Variants in KCNMB2 observed in about 807,000 individuals in gnomAD.
KCNMB2 encodes the protein potassium calcium-activated channel subfamily M regulatory beta subunit 2.
A neutral mutation model predicts 24.5 loss-of-function variants in KCNMB2; 9 were observed. The ratio of observed to expected loss-of-function variants is 0.37; its 90% CI spans 0.22 to 0.64. KCNMB2 has a LOEUF of 0.64. Among genes scored for constraint, KCNMB2 ranks in the 30% least tolerant of loss-of-function variants. The pLI is 0.63. For missense variants in KCNMB2, 226 were observed against 284.3 expected, an observed-to-expected ratio of 0.79 and a Z score of 1.47; for synonymous variants, 109 against 104.4, an observed-to-expected ratio of 1.04 and a Z score of -0.27.
intron 2 of KCNMB2, among the ~76,000 whole-genome samples, 167 bp downstream of exon 2, chr3:178,807,632 T>G (rs1302822844): frequency 1.3e-5 from 2 of 152,314 alleles, no homozygotes; most frequent in Non-Finnish European, 2.9e-5. Context: ...TCCTTCTCCT[T>G]GCACTTTACA....
intron 1 of KCNMB2, among the ~76,000 whole-genome samples, chr3:178,624,745 G>A (rs1303545228): frequency 1.3e-5 from 2 of 151,736 alleles, no homozygotes; most frequent in Non-Finnish European, 2.9e-5. Context: ...AGGGGTGGGG[G>A]CTCGGTCCTG....
At chr3:178,758,571 T>TATATATATATATATCCAAGAGGAG (rs1560007465) in intron 1 of KCNMB2, among the ~76,000 whole-genome samples, 2 of 67,272 alleles carry the variant, frequency 3.0e-5, no homozygotes, top group African/African-American at 1.1e-4. Context: ...GATATATATA[T>TATATATATATATATCCAAGAGGAG]ATATATATAT....
rs193261128 is a variant in KCNMB2, at chr3:178,815,461, T to C, written c.56+7996T>C. 7.1e-3 allele frequency among the ~76,000 whole-genome samples: 1,083 copies of C among 152,312 alleles called. 11 individuals are homozygous for C. The highest frequency in any genetic ancestry group is 0.012 in the Admixed American group (186 of 15,302). The stretch of plus-strand genomic sequence containing the variant: ...TTAATAATTTATCTATAGATTCTTT[T>C]GTATTTTCTTCATAATTACATCATT... On this transcript the variant is annotated intron_variant, in intron 2 of 4. Transcript: ENST00000452583.
At chr3:178,808,985 C>G (rs1157269796) in intron 2 of KCNMB2, among the ~76,000 whole-genome samples, 1 of 152,130 alleles carries the variant, frequency 6.6e-6, no homozygotes, top group Admixed American at 6.5e-5. Context: ...TGACACCAAG[C>G]AGATTAACTG....
chr3:178,842,943 A>C lies in KCNMB2; in HGVS notation c.*6A>C. The C allele has an allele frequency of 6.3e-7, 1 of 1,586,706 alleles. No homozygotes were observed. The highest frequency in any genetic ancestry group is 8.6e-7 in the Non-Finnish European group (1 of 1,165,816). ...TCCAACGGATCAATAGATAAATGCAAAAATGGATAAAATAATTTTTGTTAA... is the reference window on the plus strand; with the variant it reads ...TCCAACGGATCAATAGATAAATGCACAAATGGATAAAATAATTTTTGTTAA... On this transcript the variant is annotated 3_prime_UTR_variant, in exon 5 of 5. Coordinates refer to ENST00000452583, the MANE Select transcript of KCNMB2 (RefSeq NM_181361.3).
chr3:178,548,825 T>G (rs1399167782), intron 1 of KCNMB2, among the ~76,000 whole-genome samples: 1 of 152,196 alleles, frequency 6.6e-6, no homozygotes, highest in Non-Finnish European at 1.5e-5. Context: ...TACTTCTACT[T>G]ACAAAATTGA....
At chr3:178,655,095 C>CCCCTCTCTCT in intron 1 of KCNMB2, among the ~76,000 whole-genome samples, 1 of 111,138 alleles carries the variant, frequency 9.0e-6, no homozygotes, top group Non-Finnish European at 1.8e-5. Flanking sequence ...ATTAGCTCTC[C>CCCCTCTCTCT]CTCTCTCTCT....
intron 1 of KCNMB2, among the ~76,000 whole-genome samples, chr3:178,754,196 A>ATG (rs1491403113): frequency 5.9e-5 from 1 of 17,062 alleles, no homozygotes; most frequent in Non-Finnish European, 1.1e-4. Flanking sequence ...ACACACATAC[A>ATG]TATATATATA....
intron 1 of KCNMB2, among the ~76,000 whole-genome samples, chr3:178,565,909 G>A (rs1268036241): frequency 6.6e-6 from 1 of 152,098 alleles, no homozygotes; most frequent in Non-Finnish European, 1.5e-5. Flanking sequence ...CTGGAAACAA[G>A]GTAACAGAGA....
intron 1 of KCNMB2, among the ~76,000 whole-genome samples, chr3:178,708,214 T>G (rs1222464063): frequency 6.6e-6 from 1 of 152,116 alleles, no homozygotes; most frequent in Non-Finnish European, 1.5e-5. Flanking sequence ...GTAATCATTT[T>G]TAAGTGTGCT....
chr3:178,581,350 T>A (rs979243935), intron 1 of KCNMB2, among the ~76,000 whole-genome samples: 2 of 152,150 alleles, frequency 1.3e-5, no homozygotes, highest in Non-Finnish European at 2.9e-5. Context: ...TCCTTACACG[T>A]TATACAAAAA....
chr3:178,715,575 C>T (rs189463573), intron 1 of KCNMB2, among the ~76,000 whole-genome samples: 1 of 152,182 alleles, frequency 6.6e-6, no homozygotes, highest in East Asian at 1.9e-4. Context: ...GGACCTATAT[C>T]ACTAGGCTGC....
intron 1 of KCNMB2, among the ~76,000 whole-genome samples, chr3:178,594,866 G>T (rs2033690762): frequency 1.3e-5 from 2 of 151,934 alleles, no homozygotes; most frequent in Non-Finnish European, 2.9e-5. Context: ...TTTCATATGA[G>T]TATCATTAGA....
chr3:178,598,658 T>C (rs1388645861), intron 1 of KCNMB2, among the ~76,000 whole-genome samples: 8 of 151,760 alleles, frequency 5.3e-5, no homozygotes, highest in Non-Finnish European at 7.4e-5. Context: ...TCAGGGGTTA[T>C]AACAAAAAAG....
At chr3:178,716,395 A>G (rs1474672618) in intron 1 of KCNMB2, among the ~76,000 whole-genome samples, 1 of 151,810 alleles carries the variant, frequency 6.6e-6, no homozygotes, top group Non-Finnish European at 1.5e-5. Context: ...ATAATTCATC[A>G]GTGGTCACAG....
At chr3:178,568,654 T>C (rs1386628990) in intron 1 of KCNMB2, among the ~76,000 whole-genome samples, 2 of 150,750 alleles carry the variant, frequency 1.3e-5, no homozygotes, top group African/African-American at 4.8e-5. Flanking sequence ...AACCAGCACT[T>C]TTCCAGTGCT....
chr3:178,784,325 G>A (rs911619536), intron 1 of KCNMB2, among the ~76,000 whole-genome samples: 8 of 152,114 alleles, frequency 5.3e-5, no homozygotes, highest in South Asian at 2.1e-4. Context: ...AGCTTACCCC[G>A]TGTCATATAG....
chr3:178,644,345 C>T (rs1431301251), intron 1 of KCNMB2, among the ~76,000 whole-genome samples: 1 of 152,148 alleles, frequency 6.6e-6, no homozygotes, highest in Non-Finnish European at 1.5e-5. Flanking sequence ...TTGGAGAGGG[C>T]CAGGTGGGGA....
intron 1 of KCNMB2, among the ~76,000 whole-genome samples, chr3:178,667,577 C>T (rs1312267611): frequency 1.3e-5 from 2 of 151,996 alleles, no homozygotes; most frequent in African/African-American, 4.8e-5. Context: ...TGTAGCAGCA[C>T]AAAACAGACT....
Sources: allele counts gnomAD v4.1 joint callset (sites outside exome capture counted in the v4.1 genomes callset), GRCh38; gene constraint gnomAD v4.1.1; transcripts MANE v1.5; gene names NCBI Gene and HGNC (gene_info 2026-07-23, HGNC 2026-07-21).